VAV3: variants seen among roughly 807,000 people sequenced by gnomAD.
VAV3 encodes the protein guanine nucleotide exchange factor VAV3.
In VAV3, 94 loss-of-function variants were observed where a neutral mutation model predicts 131.2. The ratio of observed to expected loss-of-function variants is 0.72; its 90% confidence interval spans 0.61 to 0.85. The LOEUF (loss-of-function observed/expected upper bound fraction) is 0.85. Ranked by LOEUF, VAV3 falls within the 40% of genes least tolerant of loss-of-function variation. The pLI, the probability that VAV3 is intolerant of heterozygous loss-of-function variation, is 0.00. For missense variants in VAV3, 939 were observed against 1,002.7 expected (o/e 0.94, Z 0.86); for synonymous variants, 349 against 342.0 (o/e 1.02, Z -0.22).
chr1:107,752,365 A>G (rs1002607553), intron 12 of VAV3, among the ~76,000 whole-genome samples: 1 of 152,252 alleles, frequency 6.6e-6, no homozygotes, highest in Admixed American at 6.5e-5. Context: ...ATACCCAAAC[A>G]TAACAGTTAA....
chr1:107,943,277 C>T (rs1266746315), intron 1 of VAV3, among the ~76,000 whole-genome samples: 1 of 152,066 alleles, frequency 6.6e-6, no homozygotes, highest in African/African-American at 2.4e-5. Context: ...TCTTGGTCTG[C>T]TCTTGATTAG....
rs770717898 is a variant in VAV3 at position 107,908,027 on chromosome 1, G to A, written c.205-33010C>T. Among the ~76,000 whole-genome samples the A allele has an allele frequency of 9.0e-4, 137 of 152,130 alleles. 1 individual carries two copies. The highest frequency in any genetic ancestry group is 2.1e-4 in the Non-Finnish European group (14 of 68,016). ...CATACGTGTGTTGAGGAATGAATTC[G>A]GAAGGATGCTGCAGGGTATATTATC... On this transcript the variant is annotated intron_variant, in intron 1 of 26. Coordinates refer to ENST00000370056, the MANE Select transcript of VAV3 (RefSeq NM_006113.5).
At chr1:107,831,702 G>A (rs1370295763) in intron 2 of VAV3, among the ~76,000 whole-genome samples, 2 of 152,190 alleles carry the variant, frequency 1.3e-5, no homozygotes, top group Non-Finnish European at 2.9e-5. Context: ...CTTGTTCAGA[G>A]CAGAGCTTAT....
At chr1:107,735,372 G>C (rs1228522960) in intron 15 of VAV3, among the ~76,000 whole-genome samples, 3 of 152,124 alleles carry the variant, frequency 2.0e-5, no homozygotes, top group African/African-American at 7.2e-5. Flanking sequence ...CAGAACTGAA[G>C]GAGATAGAGA....
In VAV3 at chr1:107,634,753, A is replaced by G. The variant is rs545517083; in HGVS notation, c.1914+7866T>C. On this transcript the variant is annotated intron_variant, in intron 20 of 26. Transcript: ENST00000370056. Reference sequence around the variant, plus strand: ...CAAAGGGCTAATATCCAGAATCTACAATGAACTCAAACAAATTTACAAGAA... The same window carrying G: ...CAAAGGGCTAATATCCAGAATCTACGATGAACTCAAACAAATTTACAAGAA... 9.0e-4 allele frequency among the ~76,000 whole-genome samples: 136 copies of G among 151,526 alleles called. 3 individuals are homozygous for G. The South Asian group carries it at 0.027, about 30-fold the overall frequency.
intron 1 of VAV3, among the ~76,000 whole-genome samples, chr1:107,955,322 T>G (rs1365394394): frequency 6.6e-6 from 1 of 152,104 alleles, no homozygotes; most frequent in Non-Finnish European, 1.5e-5. Context: ...GCTATGTTTT[T>G]TTTTTAATTT....
intron 7 of VAV3, 66 bp from the exon 8 acceptor site, chr1:107,766,616 G>A (rs1316888918): frequency 4.0e-6 from 5 of 1,252,244 alleles, no homozygotes; most frequent in Non-Finnish European, 4.6e-6. Context: ...CCCAAACCCA[G>A]AATCCTTTTA....
chr1:107,654,469 A>G (rs906394707), intron 19 of VAV3, among the ~76,000 whole-genome samples: 2 of 152,062 alleles, frequency 1.3e-5, no homozygotes. Flanking sequence ...GTCATCTACA[A>G]TTTTTCAATG....
intron 2 of VAV3, among the ~76,000 whole-genome samples, chr1:107,833,756 A>G (rs1668360494): frequency 6.6e-6 from 1 of 152,198 alleles, no homozygotes; most frequent in South Asian, 2.1e-4. Context: ...TGTTCTTGTT[A>G]TTGTGAAGCT....
chr1:107,741,901 A>G (rs1663044907), intron 15 of VAV3, among the ~76,000 whole-genome samples: 1 of 152,216 alleles, frequency 6.6e-6, no homozygotes, highest in Non-Finnish European at 1.5e-5. Context: ...AGAATTGCCC[A>G]TCCTGCTTGG....
chr1:107,761,047 A>G (rs1449964809), intron 9 of VAV3, among the ~76,000 whole-genome samples, 168 bp from the exon 10 acceptor site: 1 of 152,242 alleles, frequency 6.6e-6, no homozygotes, highest in East Asian at 1.9e-4. Flanking sequence ...CAAATCTTGT[A>G]GTACTTTAAC....
intron 2 of VAV3, among the ~76,000 whole-genome samples, chr1:107,800,023 T>C (rs1045869179): frequency 2.6e-5 from 4 of 152,180 alleles, no homozygotes; most frequent in African/African-American, 9.6e-5. Context: ...AATGACAGGA[T>C]GTCATTCTTT....
intron 1 of VAV3, among the ~76,000 whole-genome samples, chr1:107,898,669 T>A (rs1289467842): frequency 6.6e-6 from 1 of 152,212 alleles, no homozygotes; most frequent in Non-Finnish European, 1.5e-5. Context: ...ACACAGATAC[T>A]TCACAGTACT....
intron 15 of VAV3, among the ~76,000 whole-genome samples, chr1:107,710,255 G>C (rs920615964): frequency 6.6e-6 from 1 of 152,074 alleles, no homozygotes; most frequent in African/African-American, 2.4e-5. Context: ...TAACAATCAA[G>C]TATTACCAGT....
chr1:107,896,872 G>A (rs1215596305), intron 1 of VAV3, among the ~76,000 whole-genome samples: 2 of 152,078 alleles, frequency 1.3e-5, no homozygotes, highest in African/African-American at 4.8e-5. Context: ...TCACATGTGG[G>A]ACTAAAGAGT....
At chr1:107,676,308 G>A (rs1658206460) in intron 19 of VAV3, among the ~76,000 whole-genome samples, 1 of 152,164 alleles carries the variant, frequency 6.6e-6, no homozygotes, top group Non-Finnish European at 1.5e-5. Flanking sequence ...GTCTAGGCTA[G>A]GCCAATTAAA....
At chr1:107,783,333 C>T (rs1665799577) in intron 2 of VAV3, among the ~76,000 whole-genome samples, 1 of 152,118 alleles carries the variant, frequency 6.6e-6, no homozygotes. Context: ...AGGAGACCAA[C>T]TGAGGGGGCT....
intron 15 of VAV3, among the ~76,000 whole-genome samples, chr1:107,720,157 T>G (rs188454134): frequency 2.5e-4 from 38 of 152,152 alleles, no homozygotes; most frequent in African/African-American, 9.2e-4. Flanking sequence ...CATGTATACA[T>G]ATGTAACAAA....
At chr1:107,703,914 A>G (rs1660287122) in intron 17 of VAV3, among the ~76,000 whole-genome samples, 1 of 152,218 alleles carries the variant, frequency 6.6e-6, no homozygotes, top group Non-Finnish European at 1.5e-5. Flanking sequence ...GCCCAAGAGG[A>G]GCAGAAAGAG....
Sources: gnomAD v4.1 joint callset for allele counts (sites outside exome capture counted in the v4.1 genomes callset) on GRCh38, gnomAD v4.1.1 for gene constraint, MANE v1.5 for transcripts, NCBI Gene and HGNC (gene_info 2026-07-23, HGNC 2026-07-21) for gene names.